Variants in MCOLN2 observed in about 807,000 individuals in gnomAD.
The protein encoded by MCOLN2 is mucolipin TRP cation channel 2.
In MCOLN2, 57 loss-of-function variants were observed where a neutral mutation model predicts 67.5. The observed-to-expected ratio is 0.84, with a 90% CI of 0.68 to 1.05. MCOLN2 has a LOEUF of 1.05. Ranked by LOEUF, MCOLN2 falls within the 50% of genes least tolerant of loss-of-function variation. The pLI, the probability that MCOLN2 is intolerant of heterozygous loss-of-function variation, is 0.00. For missense variants in MCOLN2, 620 were observed against 678.8 expected, an observed-to-expected ratio of 0.91 and a Z score of 0.96; for synonymous variants, 246 against 233.3, an observed-to-expected ratio of 1.05 and a Z score of -0.50.
Position 84,970,204 on chromosome 1 carries a change from G to T in MCOLN2, c.78-4496C>A, listed in dbSNP as rs546234816. Reference sequence around the variant, plus strand: ...TTTAATAAAAAGAGTATATGAAATGGTGTACACTGAATTCTCAGGCCCTTG... The same window carrying T: ...TTTAATAAAAAGAGTATATGAAATGTTGTACACTGAATTCTCAGGCCCTTG... On this transcript the variant is annotated intron_variant, in intron 1 of 13. Transcript: ENST00000370608. 4.6e-5 allele frequency among the ~76,000 whole-genome samples: 7 copies of T among 152,068 alleles called. No homozygotes were observed. The South Asian group carries it at 1.5e-3, about 32-fold the overall frequency.
At chr1:84,983,186 C>G (rs1403105287) in intron 1 of MCOLN2, among the ~76,000 whole-genome samples, 1 of 152,196 alleles carries the variant, frequency 6.6e-6, no homozygotes, top group East Asian at 1.9e-4. Flanking sequence ...CTGTGTGGCT[C>G]TGCACAATCT....
chr1:84,939,438 G>T, intron 9 of MCOLN2, 115 bp downstream of exon 9: 3 of 1,052,130 alleles, frequency 2.9e-6, no homozygotes, highest in Non-Finnish European at 2.8e-6. Flanking sequence ...GTGCTGGTGT[G>T]AGAAAAGGGA....
chr1:84,977,126 A>AG lies in MCOLN2; in HGVS notation c.78-11419dup, dbSNP rs1156354473. On this transcript the variant is annotated intron_variant, in intron 1 of 13. Coordinates refer to ENST00000370608, the MANE Select transcript of MCOLN2 (RefSeq NM_153259.4). ...GATGTTAAGGCATAGAGTTTTTATT[A>AG]GTTATTTTTTTTGCTTGTTTGTTTA... 2.3e-5 allele frequency among the ~76,000 whole-genome samples: 3 copies of AG among 131,186 alleles called. No individual in the cohort carries two copies. In the East Asian group the frequency reaches 6.8e-4, roughly 30 times the overall value. 86.1% of individuals were successfully genotyped at this position (131,186 alleles called of 152,430 possible).
chr1:84,967,340 T>TCTTGATGGTACC (rs1649431980), intron 1 of MCOLN2, among the ~76,000 whole-genome samples: 1 of 152,220 alleles, frequency 6.6e-6, no homozygotes, highest in African/African-American at 2.4e-5. Flanking sequence ...TTAGGAAGTA[T>TCTTGATGGTACC]CTTGATGGTA....
chr1:84,941,255 G>C (rs1440205558), intron 7 of MCOLN2, among the ~76,000 whole-genome samples: 1 of 152,200 alleles, frequency 6.6e-6, no homozygotes, highest in African/African-American at 2.4e-5. Flanking sequence ...CCAGCACTTT[G>C]GGAGGCTGAG....
chr1:84,965,855 C>T, intron 1 of MCOLN2, 147 bp from the exon 2 acceptor site: 1 of 645,332 alleles, frequency 1.5e-6, no homozygotes, highest in Non-Finnish European at 2.5e-6. Context: ...AAAAAAGCAA[C>T]TCTAGTTATG....
Position 84,929,359 on chromosome 1 carries a change from G to A in MCOLN2, c.1664+199C>T, listed in dbSNP as rs187103583. Among the ~76,000 whole-genome samples the A allele has an allele frequency of 5.9e-5, 9 of 152,258 alleles. No homozygotes were observed. In the East Asian group the frequency reaches 9.6e-4, roughly 16 times the overall value. On this transcript the variant is annotated intron_variant, in intron 13 of 13. Transcript: ENST00000370608. ...ATTTCTAAGAGATTCCAATCACATC[G>A]TGTAGCTTTCTACATAACCCTGTTT...
Position 84,956,496 on chromosome 1 carries a change from T to G in MCOLN2, c.500A>C (p.His167Pro). 6.2e-7 allele frequency: 1 copy of G among 1,612,338 alleles called. No homozygotes were observed. The highest frequency in any genetic ancestry group is 8.5e-7 in the Non-Finnish European group (1 of 1,179,398). The change falls in exon 4 of 14, where the codon CAT becomes CCT. Residue 167 changes from histidine to proline, a missense_variant. Coordinates refer to ENST00000370608, the MANE Select transcript of MCOLN2 (RefSeq NM_153259.4). The part of the protein sequence containing the change: ...NRIGLKVCKQ[H>P]YKKGTMFPSN... ...AGGAAACATGGTCCCTTTCTTGTAA[T>G]GCTGCTTACAGACTTTTAAGCCAAT...
At chr1:84,985,648 C>T (rs1267988098) in intron 1 of MCOLN2, among the ~76,000 whole-genome samples, 1 of 152,090 alleles carries the variant, frequency 6.6e-6, no homozygotes, top group East Asian at 1.9e-4. Flanking sequence ...AGCTGCTGAC[C>T]AAGCTGAGAA....
chr1:84,941,525 A>C (rs1647785754), intron 7 of MCOLN2, among the ~76,000 whole-genome samples: 1 of 152,176 alleles, frequency 6.6e-6, no homozygotes, highest in Non-Finnish European at 1.5e-5. Flanking sequence ...CAAAAACAAA[A>C]GCAAAAACTA....
At position 84,956,445 on chromosome 1, in the gene MCOLN2, T is replaced by C. The variant is rs1648795775; in HGVS notation, c.551A>G (p.Asn184Ser). 1 of 1,611,638 alleles carries C rather than the reference T, an allele frequency of 6.2e-7. No homozygotes were observed. The highest frequency in any genetic ancestry group is 1.1e-5 in the South Asian group (1 of 90,220). The change falls in exon 4 of 14, where the codon AAC (asparagine) becomes AGC (serine). Residue 184 changes from asparagine to serine, a missense_variant. Coordinates refer to ENST00000370608, the MANE Select transcript of MCOLN2 (RefSeq NM_153259.4). ...CACTGCATTACCGAGCTCAACGTCG[T>C]TGTCAATATTCAGTGTCTCATTAGA... ...FPSNETLNID[N>S]DVELDCVQLD...
rs1039649653 is a variant in MCOLN2 at position 84,938,067 on chromosome 1, CAT to C, written c.1124_1125del (p.Tyr375Ter). On this transcript the variant is annotated frameshift_variant, in exon 10 of 14. Coordinates refer to ENST00000370608, the MANE Select transcript of MCOLN2 (RefSeq NM_153259.4). LOFTEE classifies it high-confidence loss of function. Reference sequence around the variant, plus strand: ...GTTCCAAGAAAAATGCTGCAGAGATCATAGTTTGTGAGATTCTAAGGAATGAA... The same window carrying C: ...GTTCCAAGAAAAATGCTGCAGAGATCAGTTTGTGAGATTCTAAGGAATGAA... ...MEIKAKNLTN[Y>X]DLCSIFLGTS... 16 of 1,610,724 alleles carry C rather than the reference CAT, an allele frequency of 9.9e-6. No homozygotes were observed. The highest frequency in any genetic ancestry group is 1.4e-5 in the Non-Finnish European group (16 of 1,178,502).
In MCOLN2 at chr1:84,949,062, G is replaced by A. The variant is rs1040774971; in HGVS notation, c.748-1930C>T. ...TGAGAATCACTTGAATCTAGGAGGC[G>A]GAGGCTGCACTGAGCTGAGATCACA... On this transcript the variant is annotated intron_variant, in intron 6 of 13. Transcript: ENST00000370608. Among the ~76,000 whole-genome samples the A allele has an allele frequency of 1.1e-4, 16 of 152,170 alleles. No homozygotes were observed. In the South Asian group the frequency reaches 1.5e-3, roughly 14 times the overall value.
intron 1 of MCOLN2, among the ~76,000 whole-genome samples, chr1:84,994,328 A>G (rs1651042610): frequency 6.8e-6 from 1 of 147,254 alleles, no homozygotes; most frequent in Non-Finnish European, 1.5e-5. Flanking sequence ...TGTCCTTTGC[A>G]CCTTTGAAAT....
chr1:84,961,039 A>G (rs760079151), intron 2 of MCOLN2, among the ~76,000 whole-genome samples: 1 of 152,190 alleles, frequency 6.6e-6, no homozygotes. Flanking sequence ...TTTCCCTGCT[A>G]TTATATACTC....
At chr1:84,971,371 A>C (rs1190886618) in intron 1 of MCOLN2, among the ~76,000 whole-genome samples, 1 of 152,172 alleles carries the variant, frequency 6.6e-6, no homozygotes, top group Non-Finnish European at 1.5e-5. Flanking sequence ...AAATTTAAAA[A>C]TTCTGATATT....
intron 1 of MCOLN2, among the ~76,000 whole-genome samples, chr1:84,975,721 C>T (rs984579671): frequency 6.6e-6 from 1 of 152,074 alleles, no homozygotes; most frequent in African/African-American, 2.4e-5. Context: ...GAAACAGAGA[C>T]AGGTGACCTT....
intron 11 of MCOLN2, among the ~76,000 whole-genome samples, chr1:84,932,884 A>T (rs1284516802): frequency 6.6e-6 from 1 of 152,226 alleles, no homozygotes; most frequent in Non-Finnish European, 1.5e-5. Flanking sequence ...CCTGTACTTT[A>T]AGAAGAAGGC....
chr1:84,976,514 T>A (rs1650001592), intron 1 of MCOLN2, among the ~76,000 whole-genome samples: 1 of 152,124 alleles, frequency 6.6e-6, no homozygotes, highest in Admixed American at 6.5e-5. Context: ...ACACCTGTAA[T>A]CCCAGCATTT....
Sources: allele counts gnomAD v4.1 joint callset (sites outside exome capture counted in the v4.1 genomes callset), GRCh38; gene constraint gnomAD v4.1.1; transcripts MANE v1.5; gene names NCBI Gene and HGNC (gene_info 2026-07-23, HGNC 2026-07-21).